The following ATP7A variants were observed in gnomAD, a reference collection of about 807,000 sequenced individuals.
The protein encoded by ATP7A is copper-transporting ATPase 1.
A neutral mutation model predicts 83.5 loss-of-function variants in ATP7A; 7 were observed. The ratio of observed to expected loss-of-function variants is 0.08; its 90% CI spans 0.05 to 0.16. The LOEUF (loss-of-function observed/expected upper bound fraction) is 0.16. Among genes scored for constraint, ATP7A ranks in the 10% least tolerant of loss-of-function variants. The probability of loss-of-function intolerance (pLI) is 1.00; values close to 1 mark genes in which losing one functional copy is unlikely to be tolerated. For synonymous variants in ATP7A, 354 were observed against 395.2 expected (o/e 0.90, Z 1.24); for missense variants, 940 against 1,120.8 (o/e 0.84, Z 2.30).
intron 8 of ATP7A, 55 bp downstream of exon 8, chrX:78,011,307 T>G: frequency 3.6e-6 from 4 of 1,120,488 alleles, no homozygotes; most frequent in South Asian, 3.7e-5. Context: ...ATTACAAATT[T>G]TTTTTTGCAT....
chrX:78,035,759 A>G (rs1231941836), intron 17 of ATP7A, among the ~76,000 whole-genome samples: 2 of 111,552 alleles, frequency 1.8e-5, no homozygotes, highest in Non-Finnish European at 3.8e-5. Flanking sequence ...TCTCTATGTA[A>G]TGTTCTTGTT....
intron 1 of ATP7A, among the ~76,000 whole-genome samples, chrX:77,934,919 T>C (rs199596158): frequency 9.3e-6 from 1 of 107,279 alleles, no homozygotes; most frequent in East Asian, 2.9e-4. Context: ...TGTGATCTAG[T>C]GTCAGCCCCC....
chrX:78,040,503 T>C, intron 18 of ATP7A, 88 bp from the exon 19 acceptor site: 1 of 1,118,651 alleles, frequency 8.9e-7, no homozygotes, highest in Non-Finnish European at 1.2e-6. Flanking sequence ...CTTGAGAAAA[T>C]TCATTTCATT....
chrX:77,920,181 A>G (rs1227281951), intron 1 of ATP7A, among the ~76,000 whole-genome samples: 2 of 108,926 alleles, frequency 1.8e-5, no homozygotes, highest in African/African-American at 6.7e-5. Flanking sequence ...AGTAGTCCGC[A>G]GTATCTATTG....
intron 5 of ATP7A, among the ~76,000 whole-genome samples, chrX:78,000,826 G>C (rs1456858798): frequency 9.2e-6 from 1 of 109,024 alleles, no homozygotes; most frequent in Non-Finnish European, 1.9e-5. Context: ...CACCATGCCT[G>C]GCTAATTTTT....
At chrX:77,985,388 G>A (rs369138103) in intron 2 of ATP7A, among the ~76,000 whole-genome samples, 170 of 107,426 alleles carry the variant, frequency 1.6e-3, no homozygotes, top group African/African-American at 5.5e-3. Context: ...TGACATTTTT[G>A]GGGGGGGTGG....
At chrX:77,970,406 C>T (rs1232269170) in intron 1 of ATP7A, among the ~76,000 whole-genome samples, 1 of 112,043 alleles carries the variant, frequency 8.9e-6, no homozygotes, top group Non-Finnish European at 1.9e-5. Flanking sequence ...TGTGGTGGCT[C>T]ATGCCTGTAA....
At chrX:77,999,683 C>A (rs893234192) in intron 5 of ATP7A, among the ~76,000 whole-genome samples, 1 of 111,108 alleles carries the variant, frequency 9.0e-6, no homozygotes, top group African/African-American at 3.3e-5. Flanking sequence ...GTGGGCGGAT[C>A]GCCTGAGGTC....
At chrX:78,024,871 C>T (rs1450992028) in intron 14 of ATP7A, among the ~76,000 whole-genome samples, 1 of 111,372 alleles carries the variant, frequency 9.0e-6, no homozygotes, top group Non-Finnish European at 1.9e-5. Context: ...TCCCACCACC[C>T]CTGCATCAGG....
chrX:77,985,959 G>A (rs1489250410), intron 2 of ATP7A, among the ~76,000 whole-genome samples: 1 of 111,462 alleles, frequency 9.0e-6, no homozygotes, highest in African/African-American at 3.3e-5. Flanking sequence ...TTTAAAAGAG[G>A]CCTTCTTTAA....
chrX:77,998,505 C>T lies in ATP7A; in HGVS notation c.1364C>T (p.Ala455Val), dbSNP rs1557232782. The change falls in exon 5 of 23, where the codon GCT becomes GTT. Residue 455 changes from alanine (A) to valine (V), a missense_variant. By Grantham distance (64) the Ala-to-Val change is moderately conservative. This residue lies in a region of ATP7A where 350 missense variants were observed against 432.8 expected (regional missense o/e 0.81). Transcript: ENST00000341514. ...ACGAATGAGCCGTTGGTAGTAATAG[C>T]TCAGCCTTCATCGGAAATGCCGCTT... ...SDTNEPLVVIAQPSSEMPLLT... is the reference protein window; with the variant it reads ...SDTNEPLVVIVQPSSEMPLLT... 2.5e-6 allele frequency: 3 copies of T among 1,211,742 alleles called. No individual in the cohort carries two copies. Among genetic ancestry groups the T allele is most frequent in the Non-Finnish European group, 3.4e-6 (3 of 895,400 alleles).
chrX:78,020,194 A>G (rs1557235584), intron 12 of ATP7A, 50 bp from the exon 13 acceptor site: 1 of 1,151,655 alleles, frequency 8.7e-7, no homozygotes, highest in Admixed American at 2.2e-5. Flanking sequence ...GATATGTTTC[A>G]TGATAGTGAT....
In ATP7A at chrX:77,987,638, T is replaced by C. The variant is rs1421683839; in HGVS notation, c.121-604T>C. 4.5e-5 allele frequency among the ~76,000 whole-genome samples: 5 copies of C among 111,247 alleles called. No individual in the cohort carries two copies. The East Asian group carries it at 1.4e-3, about 31-fold the overall frequency. On this transcript the variant is annotated intron_variant, in intron 2 of 22. Transcript: ENST00000341514. ...AAAGATGTTCTTATTTTGAACAAAA[T>C]TAATAGTATGCTCTAGTGACTTAGG...
intron 1 of ATP7A, among the ~76,000 whole-genome samples, chrX:77,926,954 C>T (rs2077245014): frequency 9.0e-6 from 1 of 111,279 alleles, no homozygotes; most frequent in South Asian, 3.7e-4. Context: ...CCTCCTGCCT[C>T]AGCCTCCCAA....
intron 1 of ATP7A, among the ~76,000 whole-genome samples, chrX:77,928,441 G>A (rs1251844607): frequency 1.8e-5 from 2 of 110,572 alleles, no homozygotes; most frequent in Admixed American, 1.9e-4. Context: ...TATATGACAT[G>A]ACATGTGCTC....
chrX:77,921,142 T>C (rs1048801023), intron 1 of ATP7A, among the ~76,000 whole-genome samples: 1 of 111,992 alleles, frequency 8.9e-6, no homozygotes, highest in Non-Finnish European at 1.9e-5. Context: ...CCTATCAAAT[T>C]TGTCCTTCGT....
intron 4 of ATP7A, among the ~76,000 whole-genome samples, chrX:77,992,439 G>T (rs2077675299): frequency 9.0e-6 from 1 of 111,055 alleles, no homozygotes. Flanking sequence ...AAATGTTAAA[G>T]GGACTCTAGT....
chrX:77,932,919 G>A (rs782448200), intron 1 of ATP7A, among the ~76,000 whole-genome samples: 2 of 109,898 alleles, frequency 1.8e-5, no homozygotes, highest in African/African-American at 3.3e-5. Flanking sequence ...GGGGGACCGT[G>A]GGGAGAGGGA....
In ATP7A at chrX:77,989,462, T is replaced by G. The variant is rs782713333; in HGVS notation, c.840T>G (p.Thr280=). 2.5e-6 allele frequency: 3 copies of G among 1,210,247 alleles called. No individual in the cohort carries two copies. The highest frequency in any genetic ancestry group is 3.4e-6 in the Non-Finnish European group (3 of 895,211). The change falls in exon 4 of 23, where the codon ACT becomes ACG. Residue 280 remains threonine (T), a synonymous_variant. Coordinates refer to ENST00000341514, the MANE Select transcript of ATP7A (RefSeq NM_000052.7). ...SPSYTNDSTA[T]FIIDGMHCKS... ...CATATACCAATGATTCAACAGCCAC[T>G]TTCATCATTGATGGCATGCATTGTA...
Sources: allele counts gnomAD v4.1 joint callset (sites outside exome capture counted in the v4.1 genomes callset), GRCh38; gene constraint gnomAD v4.1.1; regional missense constraint gnomAD v4.1.1; transcripts MANE v1.5; gene names NCBI Gene and HGNC (gene_info 2026-07-23, HGNC 2026-07-21).